NGDN: variants seen among roughly 807,000 people sequenced by gnomAD.
NGDN encodes neuroguidin.
NGDN carries 41 observed loss-of-function variants against 45.2 expected under a neutral mutation model. The ratio of observed to expected loss-of-function variants is 0.91; its 90% confidence interval spans 0.71 to 1.18. The LOEUF is 1.18. Among genes scored for constraint, NGDN ranks in the 50% most tolerant of loss-of-function variants. The pLI, the probability that NGDN is intolerant of heterozygous loss-of-function variation, is 0.00. For synonymous variants in NGDN, 137 were observed against 130.9 expected (o/e 1.05, Z -0.32); for missense variants, 402 against 399.9 (o/e 1.01, Z -0.05).
At chr14:23,476,482 G>A in intron 8 of NGDN, 75 bp downstream of exon 8, 11 of 1,251,694 alleles carry the variant, frequency 8.8e-6, no homozygotes, top group Non-Finnish European at 1.2e-5. Context: ...ATGTGACTAA[G>A]TTTGGTACCA....
At chr14:23,474,973 G>T (rs1893862929) in intron 3 of NGDN, among the ~76,000 whole-genome samples, 198 bp from the exon 4 acceptor site, 1 of 152,078 alleles carries the variant, frequency 6.6e-6, no homozygotes, top group Non-Finnish European at 1.5e-5. Flanking sequence ...AATTTTCTGA[G>T]CGTTGTTTCT....
chr14:23,469,849 G>T, intron 1 of NGDN, 122 bp downstream of exon 1: 2 of 1,388,586 alleles, frequency 1.4e-6, no homozygotes. Flanking sequence ...CAGGGAGGCG[G>T]CCTCCCTAGA....
rs1247185462 is a variant in NGDN at position 23,475,730 on chromosome 14, G to T, written c.372G>T (p.Glu124Asp). The T allele has an allele frequency of 6.2e-7, 1 of 1,613,870 alleles. No individual in the cohort carries two copies. Among genetic ancestry groups the T allele is most frequent in the East Asian group, 2.2e-5 (1 of 44,876 alleles). ...TCATTGGGTTATTTATTTCAGGTGA[G>T]AATGACCCACTTCGTTTTAAGCCTC... ...IKTAVTGSLSENDPLRFKPHP... is the reference protein window; with the variant it reads ...IKTAVTGSLSDNDPLRFKPHP... Residue 124 changes from glutamate to aspartate, a missense_variant, in exon 6 of 11, where the codon GAG becomes GAT. Glu to Asp is a conservative substitution (Grantham distance 45). Coordinates refer to ENST00000408901, the MANE Select transcript of NGDN (RefSeq NM_001042635.2).
rs755872596 is a variant in NGDN, at chr14:23,477,556, A to G, written c.924A>G (p.Lys308=). The change falls in exon 10 of 11, where the codon AAA becomes AAG. Residue 308 remains lysine, a synonymous_variant. Coordinates refer to ENST00000408901, the MANE Select transcript of NGDN (RefSeq NM_001042635.2). The part of the protein sequence containing the change: ...RKKIPQKGRK[K]KGFRRRR ...AGATACCTCAGAAAGGTCGGAAGAA[A>G]AAAGGTCAGTGAACTGCTGGGACTT... The G allele has an allele frequency of 6.2e-7, 1 of 1,614,200 alleles. No individual in the cohort carries two copies. Among genetic ancestry groups the G allele is most frequent in the Non-Finnish European group, 8.5e-7 (1 of 1,180,034 alleles).
chr14:23,470,803 T>A (rs1468439422), intron 2 of NGDN, 103 bp from the exon 3 acceptor site: 3 of 796,932 alleles, frequency 3.8e-6, no homozygotes, highest in Non-Finnish European at 6.1e-6. Flanking sequence ...TTAGACAGTG[T>A]TTCAGATAAT....
At position 23,470,940 on chromosome 14, in the gene NGDN, C is replaced by A; in HGVS notation, c.107C>A (p.Thr36Lys). Residue 36 changes from threonine to lysine, a missense_variant, in exon 3 of 11, where the codon ACA (threonine) becomes AAA (lysine). Thr to Lys is a moderately conservative substitution (Grantham distance 78). Transcript: ENST00000408901. ...GTAACTGCACAAGTGAAATCACTGA[C>A]ACAAAAAGTTCAAGCTGGTGCCTAT... is the stretch of plus-strand genomic sequence containing the variant. ...MAVTAQVKSL[T>K]QKVQAGAYPT... The A allele has an allele frequency of 1.3e-6, 2 of 1,555,384 alleles. No individual in the cohort carries two copies. Among genetic ancestry groups the A allele is most frequent in the South Asian group, 1.2e-5 (1 of 81,288 alleles).
rs956220591 is a variant in NGDN, at chr14:23,477,261, C to T, written c.775C>T (p.Arg259Ter). 5.0e-6 allele frequency: 8 copies of T among 1,613,902 alleles called. No homozygotes were observed. The highest frequency in any genetic ancestry group is 3.3e-5 in the Admixed American group (2 of 59,988). Residue 259 changes from arginine (R) to a stop codon, truncating the protein, a stop_gained, in exon 9 of 11, where the codon CGA becomes TGA. Transcript: ENST00000408901. LOFTEE classifies it high-confidence loss of function. ...LSVSKREKGR[R>*]KRANVMSSQL... Reference sequence around the variant, plus strand: ...CGTCAGTAAGCGAGAGAAAGGACGGCGAAAACGAGCAAATGTCATGAGCTC... The same window carrying T: ...CGTCAGTAAGCGAGAGAAAGGACGGTGAAAACGAGCAAATGTCATGAGCTC...
At chr14:23,477,828 G>T (rs1179934250) in intron 10 of NGDN, 179 bp from the exon 11 acceptor site, 2 of 1,472,458 alleles carry the variant, frequency 1.4e-6, no homozygotes, top group African/African-American at 2.8e-5. Flanking sequence ...TCACTTGAAG[G>T]AACCATTATC....
At chr14:23,471,723 A>G (rs2138720736) in intron 3 of NGDN, 1 of 151,842 alleles carries the variant, frequency 6.6e-6, no homozygotes, top group Non-Finnish European at 1.5e-5. Flanking sequence ...AGGCCAGAGG[A>G]TTGCTTAAGC....
rs760474225 is a variant in NGDN at position 23,477,224 on chromosome 14, G to A, written c.738G>A (p.Met246Ile). 1.2e-5 allele frequency: 20 copies of A among 1,614,152 alleles called. No homozygotes were observed. The highest frequency in any genetic ancestry group is 1.5e-5 in the Non-Finnish European group (18 of 1,179,986). Residue 246 changes from methionine (M) to isoleucine (I), a missense_variant, in exon 9 of 11, where the codon ATG (methionine) becomes ATA (isoleucine). Transcript: ENST00000408901. ...QHRINYEESMMVRLSVSKREK... is the reference protein window; with the variant it reads ...QHRINYEESMIVRLSVSKREK... ...GGATTAACTATGAGGAGAGCATGAT[G>A]GTGCGTTTGAGCGTCAGTAAGCGAG...
intron 1 of NGDN, 46 bp downstream of exon 1, chr14:23,469,773 T>C (rs1451424388): frequency 6.2e-7 from 1 of 1,612,148 alleles, no homozygotes; most frequent in African/African-American, 1.3e-5. Flanking sequence ...TGTGGAGTTG[T>C]CCTTTGCCTT....
At chr14:23,474,298 T>C (rs1893849162) in intron 3 of NGDN, among the ~76,000 whole-genome samples, 1 of 152,090 alleles carries the variant, frequency 6.6e-6, no homozygotes, top group African/African-American at 2.4e-5. Flanking sequence ...GTATTTAACC[T>C]CTCTGAAATA....
intron 8 of NGDN, 38 bp downstream of exon 8, chr14:23,476,445 A>G (rs938765553): frequency 7.0e-6 from 11 of 1,562,494 alleles, no homozygotes; most frequent in Non-Finnish European, 9.6e-6. Flanking sequence ...CCTGCACTCT[A>G]GAGTCCTGTC....
intron 6 of NGDN, 22 bp from the exon 7 acceptor site, chr14:23,476,007 G>A (rs1272439170): frequency 1.9e-6 from 3 of 1,613,902 alleles, no homozygotes; most frequent in Non-Finnish European, 2.5e-6. Context: ...TCCTAAATTT[G>A]CAGACATTGT....
chr14:23,476,164 G>C lies in NGDN; in HGVS notation c.544+12G>C. On this transcript the variant is annotated intron_variant, in intron 7 of 10. Transcript: ENST00000408901. ...TCCAGTACATTATGGTATAAACTTT[G>C]GCTGCTGCCTCCTCAGCATGAACTG... 6.2e-7 allele frequency: 1 copy of C among 1,614,106 alleles called. No individual in the cohort carries two copies. The highest frequency in any genetic ancestry group is 8.5e-7 in the Non-Finnish European group (1 of 1,179,982).
In NGDN at chr14:23,478,086, A is replaced by G; in HGVS notation, c.*60A>G. ...CCTGAGATACTTCTAATTTCATTGTATATAGGTGGTTTTCCCTGGAATTCA... is the reference window on the plus strand; with the variant it reads ...CCTGAGATACTTCTAATTTCATTGTGTATAGGTGGTTTTCCCTGGAATTCA... On this transcript the variant is annotated 3_prime_UTR_variant, in exon 11 of 11. Coordinates refer to ENST00000408901, the MANE Select transcript of NGDN (RefSeq NM_001042635.2). 2 of 1,501,108 alleles carry G rather than the reference A, an allele frequency of 1.3e-6. No homozygotes were observed. The highest frequency in any genetic ancestry group is 1.9e-6 in the Non-Finnish European group (2 of 1,078,562). The allele number at this position is 1,501,108 out of a possible 1,614,324, so 93.0% of individuals were successfully genotyped here. A position where few individuals can be genotyped will look rare whatever the true frequency, so the allele number is the denominator to read the frequency against.
chr14:23,477,730 A>T, intron 10 of NGDN, 170 bp downstream of exon 10: 1 of 1,461,866 alleles, frequency 6.8e-7, no homozygotes, highest in Non-Finnish European at 9.0e-7. Flanking sequence ...GCTGGAAATC[A>T]GCATCATTCA....
At chr14:23,473,149 G>A (rs1195675402) in intron 3 of NGDN, among the ~76,000 whole-genome samples, 2 of 152,064 alleles carry the variant, frequency 1.3e-5, no homozygotes, top group African/African-American at 4.8e-5. Flanking sequence ...ACAGGCGCCC[G>A]CCACCACTCC....
At chr14:23,472,168 G>T (rs891741518) in intron 3 of NGDN, among the ~76,000 whole-genome samples, 1 of 132,818 alleles carries the variant, frequency 7.5e-6, no homozygotes, top group African/African-American at 2.9e-5. Flanking sequence ...CTGGGCAACA[G>T]AGTGAGACTG....
Sources: allele counts gnomAD v4.1 joint callset (sites outside exome capture counted in the v4.1 genomes callset), GRCh38; gene constraint gnomAD v4.1.1; transcripts MANE v1.5; gene names NCBI Gene and HGNC (gene_info 2026-07-23, HGNC 2026-07-21).